The following SH3YL1 variants were observed in gnomAD, a reference collection of about 807,000 sequenced individuals.
SH3YL1 encodes SH3 domain-containing YSC84-like protein 1.
Under a neutral mutation model 45.8 loss-of-function variants are expected in SH3YL1, and 41 were observed. The ratio of observed to expected loss-of-function variants is 0.89; its 90% confidence interval spans 0.70 to 1.16. The LOEUF is 1.16. Ranked by LOEUF, SH3YL1 falls within the 50% of genes most tolerant of loss-of-function variation. The pLI, the probability that SH3YL1 is intolerant of heterozygous loss-of-function variation, is 0.00. For synonymous variants in SH3YL1, 152 were observed against 151.4 expected (o/e 1.00, Z -0.03); for missense variants, 389 against 409.6 (o/e 0.95, Z 0.43).
rs1339560849 is a variant in SH3YL1 at position 249,817 on chromosome 2, A to G, written c.140T>C (p.Leu47Pro). 3 of 1,552,110 alleles carry G rather than the reference A, an allele frequency of 1.9e-6. No individual in the cohort carries two copies. In the South Asian group the frequency reaches 3.6e-5, roughly 18 times the overall value. Reference protein sequence around the residue: ...PAHVIAKAKGLAILSVIKAGF... With the variant: ...PAHVIAKAKGPAILSVIKAGF... ...GGCTTTGATCACAGACAGAATTGCAAGGCCTTTAGCCTTCGCAATTACGTG... is the reference window on the plus strand; with the variant it reads ...GGCTTTGATCACAGACAGAATTGCAGGGCCTTTAGCCTTCGCAATTACGTG... The change falls in exon 3 of 10, where the codon CTT becomes CCT. Residue 47 changes from leucine (L) to proline (P), a missense_variant. Physicochemically the swap from Leu to Pro is moderately conservative, Grantham distance 98. Transcript: ENST00000356150.
chr2:248,438 T>A (rs984510055), intron 3 of SH3YL1, among the ~76,000 whole-genome samples: 1 of 152,154 alleles, frequency 6.6e-6, no homozygotes, highest in Non-Finnish European at 1.5e-5. Flanking sequence ...GTTCCCTATG[T>A]TAGGAACTGT....
At chr2:248,129 T>C (rs972137190) in intron 3 of SH3YL1, among the ~76,000 whole-genome samples, 1 of 152,252 alleles carries the variant, frequency 6.6e-6, no homozygotes, top group African/African-American at 2.4e-5. Context: ...TTCAAGGTTA[T>C]TAAAATTCTA....
At chr2:229,340 C>T (rs1667927379) in intron 8 of SH3YL1, among the ~76,000 whole-genome samples, 1 of 152,110 alleles carries the variant, frequency 6.6e-6, no homozygotes, top group Non-Finnish European at 1.5e-5. Flanking sequence ...TTATTTTGTT[C>T]TCATTTCAAA....
chr2:231,900 T>C (rs1011492952), intron 6 of SH3YL1, among the ~76,000 whole-genome samples: 5 of 152,204 alleles, frequency 3.3e-5, no homozygotes, highest in Admixed American at 1.3e-4. Flanking sequence ...GTGGTTTATA[T>C]TTAGCTTTAT....
chr2:253,164 G>C, intron 1 of SH3YL1, 49 bp from the exon 2 acceptor site: 1 of 1,045,478 alleles, frequency 9.6e-7, no homozygotes, highest in Non-Finnish European at 1.4e-6. Context: ...CTAAATAGAA[G>C]TGAGAAATTT....
At chr2:254,271 C>G (rs896616905) in intron 1 of SH3YL1, among the ~76,000 whole-genome samples, 1 of 152,162 alleles carries the variant, frequency 6.6e-6, no homozygotes, top group African/African-American at 2.4e-5. Context: ...TACAGTGTTG[C>G]CTGGACATTC....
intron 8 of SH3YL1, among the ~76,000 whole-genome samples, chr2:225,163 T>G (rs1380037411): frequency 6.6e-6 from 1 of 152,206 alleles, no homozygotes; most frequent in African/African-American, 2.4e-5. Context: ...ACACACACTA[T>G]TCTCATTATA....
chr2:262,588 G>A (rs1403195650), intron 1 of SH3YL1: 4 of 1,304,010 alleles, frequency 3.1e-6, no homozygotes, highest in Admixed American at 2.3e-5. Flanking sequence ...CATGTGCTTA[G>A]GTCTCAGAGC....
chr2:235,181 A>C (rs1282005791), intron 4 of SH3YL1, among the ~76,000 whole-genome samples: 1 of 152,256 alleles, frequency 6.6e-6, no homozygotes, highest in Non-Finnish European at 1.5e-5. Context: ...CAGCTGACTT[A>C]ATTTTTCTCT....
At chr2:252,718 T>A (rs971005282) in intron 2 of SH3YL1, among the ~76,000 whole-genome samples, 2 of 152,002 alleles carry the variant, frequency 1.3e-5, no homozygotes, top group African/African-American at 4.8e-5. Flanking sequence ...AAGAGGGAGG[T>A]TGGTCTGTAA....
intron 1 of SH3YL1, among the ~76,000 whole-genome samples, chr2:254,725 A>G (rs1669237164): frequency 6.6e-6 from 1 of 152,058 alleles, no homozygotes; most frequent in South Asian, 2.1e-4. Flanking sequence ...GAAGCTACAC[A>G]CCTCCCTCAC....
At chr2:222,838 T>G (rs1023674333) in intron 9 of SH3YL1, 6 of 152,228 alleles carry the variant, frequency 3.9e-5, no homozygotes, top group African/African-American at 1.4e-4. Context: ...AGTGTCCTGC[T>G]TCATCAGGTT....
At chr2:226,897 G>A (rs1667805797) in intron 8 of SH3YL1, among the ~76,000 whole-genome samples, 1 of 152,056 alleles carries the variant, frequency 6.6e-6, no homozygotes, top group Non-Finnish European at 1.5e-5. Flanking sequence ...AGCATAAATG[G>A]TGGATAATTC....
intron 8 of SH3YL1, 116 bp from the exon 9 acceptor site, chr2:225,036 A>G (rs550497033): frequency 3.5e-5 from 27 of 771,502 alleles, no homozygotes; most frequent in Non-Finnish European, 5.9e-5. Flanking sequence ...CACTAAGTTG[A>G]TAGGATCATC....
At chr2:244,829 T>G (rs1668720200) in intron 4 of SH3YL1, 1 of 152,250 alleles carries the variant, frequency 6.6e-6, no homozygotes, top group Non-Finnish European at 1.5e-5. Context: ...TTGTGGCTGC[T>G]AGGACATGGT....
chr2:230,743 A>G (rs1667996588), intron 7 of SH3YL1: 1 of 365,286 alleles, frequency 2.7e-6, no homozygotes, highest in African/African-American at 2.1e-5. Flanking sequence ...TCCTGATCTC[A>G]AGTGCTCCAC....
chr2:226,434 G>T (rs1336237034), intron 8 of SH3YL1, among the ~76,000 whole-genome samples: 1 of 152,216 alleles, frequency 6.6e-6, no homozygotes, highest in Non-Finnish European at 1.5e-5. Context: ...CAATTTATAT[G>T]AAGAGATGTT....
At chr2:234,943 T>C (rs575557548) in intron 4 of SH3YL1, among the ~76,000 whole-genome samples, 2 of 152,330 alleles carry the variant, frequency 1.3e-5, no homozygotes, top group African/African-American at 4.8e-5. Flanking sequence ...AGTGGCGTGA[T>C]CTGAGCTCAC....
intron 1 of SH3YL1, among the ~76,000 whole-genome samples, chr2:254,287 C>A (rs559894656): frequency 1.3e-5 from 2 of 152,312 alleles, no homozygotes; most frequent in South Asian, 2.1e-4. Context: ...CATTCATACA[C>A]TCATCAGAGG....
Sources: gnomAD v4.1 joint callset for allele counts (sites outside exome capture counted in the v4.1 genomes callset) on GRCh38, gnomAD v4.1.1 for gene constraint, MANE v1.5 for transcripts, NCBI Gene and HGNC (gene_info 2026-07-23, HGNC 2026-07-21) for gene names.